CNTNAP5: variants seen among roughly 807,000 people sequenced by gnomAD.
CNTNAP5 encodes the protein contactin associated protein family member 5.
A neutral mutation model predicts 150.2 loss-of-function variants in CNTNAP5; 72 were observed. The ratio of observed to expected loss-of-function variants is 0.48; its 90% CI spans 0.40 to 0.58. CNTNAP5 has a LOEUF of 0.58. Ranked by LOEUF, CNTNAP5 falls within the 20% of genes least tolerant of loss-of-function variation. The pLI is 0.00. For missense variants in CNTNAP5, 1,636 were observed against 1,626.2 expected (o/e 1.01, Z -0.10); for synonymous variants, 672 against 619.8 (o/e 1.08, Z -1.25).
At chr2:124,559,313 A>G (rs1344454354) in intron 10 of CNTNAP5, among the ~76,000 whole-genome samples, 2 of 151,192 alleles carry the variant, frequency 1.3e-5, no homozygotes, top group African/African-American at 4.9e-5. Flanking sequence ...TCAATCCTTT[A>G]TCTCATTTCC....
At chr2:124,099,058 G>GT (rs1230787645) in intron 1 of CNTNAP5, among the ~76,000 whole-genome samples, 5 of 152,120 alleles carry the variant, frequency 3.3e-5, no homozygotes, top group African/African-American at 1.2e-4. Flanking sequence ...AAGGACCTTC[G>GT]TAACACAAGA....
chr2:124,170,630 G>T (rs1358670), intron 1 of CNTNAP5, among the ~76,000 whole-genome samples: 147,248 of 152,100 alleles, frequency 0.97, 71,455 homozygotes, highest in East Asian at 1. Context: ...GTGCATTTGG[G>T]TAAGTGTGAT....
chr2:124,605,122 G>A (rs1697071760), intron 11 of CNTNAP5, among the ~76,000 whole-genome samples: 1 of 152,146 alleles, frequency 6.6e-6, no homozygotes, highest in Non-Finnish European at 1.5e-5. Flanking sequence ...CAGTGTGAGA[G>A]GCCACGTGGG....
At chr2:124,330,922 C>A (rs1217654174) in intron 3 of CNTNAP5, among the ~76,000 whole-genome samples, 1 of 152,014 alleles carries the variant, frequency 6.6e-6, no homozygotes, top group Non-Finnish European at 1.5e-5. Context: ...AAAATTATAA[C>A]CTCTCATTAG....
chr2:124,443,559 TGAGCAGATG>T (rs1692727656), intron 5 of CNTNAP5, among the ~76,000 whole-genome samples: 1 of 152,052 alleles, frequency 6.6e-6, no homozygotes, highest in Non-Finnish European at 1.5e-5. Context: ...CTATGGAAGA[TGAGCAGATG>T]GAGGAAGTGA....
chr2:124,680,428 C>T (rs1679039662), intron 13 of CNTNAP5, among the ~76,000 whole-genome samples: 1 of 151,876 alleles, frequency 6.6e-6, no homozygotes, highest in Admixed American at 6.7e-5. Flanking sequence ...CTGTGGCTTG[C>T]CCAAATTCTG....
intron 1 of CNTNAP5, among the ~76,000 whole-genome samples, chr2:124,063,249 T>C (rs1019658378): frequency 6.6e-6 from 1 of 152,114 alleles, no homozygotes; most frequent in Admixed American, 6.6e-5. Context: ...CATTCAACAC[T>C]GAACTTGAAG....
chr2:124,848,460 A>G (rs1213796597), intron 19 of CNTNAP5, among the ~76,000 whole-genome samples: 2 of 152,154 alleles, frequency 1.3e-5, no homozygotes, highest in Non-Finnish European at 2.9e-5. Context: ...AATAATGTTG[A>G]AATATACATG....
chr2:124,089,222 A>G (rs1175050661), intron 1 of CNTNAP5, among the ~76,000 whole-genome samples: 1 of 152,128 alleles, frequency 6.6e-6, no homozygotes, highest in African/African-American at 2.4e-5. Context: ...ACTAGGCGAA[A>G]GAGGGAAAAG....
intron 11 of CNTNAP5, among the ~76,000 whole-genome samples, chr2:124,586,005 T>C (rs1056623474): frequency 6.6e-6 from 1 of 152,098 alleles, no homozygotes; most frequent in African/African-American, 2.4e-5. Context: ...TGGATCTGCT[T>C]CTCAATATAT....
At chr2:124,872,485 C>G (rs535704972) in intron 21 of CNTNAP5, among the ~76,000 whole-genome samples, 1 of 149,646 alleles carries the variant, frequency 6.7e-6, no homozygotes, top group South Asian at 2.1e-4. Context: ...AAAATTAAGA[C>G]ACTCTCCTCA....
chr2:124,730,379 G>GTATT (rs1473675896), intron 13 of CNTNAP5, among the ~76,000 whole-genome samples: 2 of 151,636 alleles, frequency 1.3e-5, no homozygotes, highest in Non-Finnish European at 2.9e-5. Flanking sequence ...AAACAGATAT[G>GTATT]TATTTATTCA....
intron 13 of CNTNAP5, among the ~76,000 whole-genome samples, chr2:124,697,244 T>C (rs1054284925): frequency 6.6e-6 from 1 of 152,172 alleles, no homozygotes; most frequent in African/African-American, 2.4e-5. Flanking sequence ...TGGGCCCATA[T>C]TGATAAATGG....
At chr2:124,753,412 G>T (rs1365641160) in intron 14 of CNTNAP5, among the ~76,000 whole-genome samples, 2 of 152,170 alleles carry the variant, frequency 1.3e-5, no homozygotes, top group East Asian at 3.9e-4. Flanking sequence ...TGTATTTTTA[G>T]ATAGGTCAGG....
chr2:124,443,524 C>T (rs895814098), intron 5 of CNTNAP5, among the ~76,000 whole-genome samples: 13 of 151,832 alleles, frequency 8.6e-5, no homozygotes, highest in African/African-American at 3.1e-4. Context: ...ACAAGCAAGA[C>T]ATTAATAGCG....
intron 14 of CNTNAP5, among the ~76,000 whole-genome samples, chr2:124,757,399 G>C (rs1257900639): frequency 6.6e-6 from 1 of 152,204 alleles, no homozygotes. Flanking sequence ...CTCAGGGCCT[G>C]GCTCTGTGAT....
In CNTNAP5 at chr2:124,313,487, C is replaced by T. The variant is rs532196537; in HGVS notation, c.381+71094C>T. Reference sequence around the variant, plus strand: ...CCAACAGAAAATCAAGCTGCAGGCACTATTTTTGTTCACAGAATTGCCTAG... The same window carrying T: ...CCAACAGAAAATCAAGCTGCAGGCATTATTTTTGTTCACAGAATTGCCTAG... On this transcript the variant is annotated intron_variant, in intron 3 of 23. Transcript: ENST00000682447. 3.3e-4 allele frequency among the ~76,000 whole-genome samples: 50 copies of T among 152,292 alleles called. 2 individuals carry two copies. The East Asian group carries it at 7.3e-3, about 22-fold the overall frequency.
chr2:124,694,102 C>T (rs1044566457), intron 13 of CNTNAP5, among the ~76,000 whole-genome samples: 1 of 152,140 alleles, frequency 6.6e-6, no homozygotes, highest in Non-Finnish European at 1.5e-5. Context: ...GCTCCATGAC[C>T]TCCCACTTCT....
intron 1 of CNTNAP5, among the ~76,000 whole-genome samples, chr2:124,166,268 G>C (rs542602050): frequency 6.6e-6 from 1 of 152,080 alleles, no homozygotes; most frequent in Admixed American, 6.6e-5. Flanking sequence ...TGTTTAAAAC[G>C]AATGGCTGTA....
Sources: allele counts gnomAD v4.1 joint callset (sites outside exome capture counted in the v4.1 genomes callset), GRCh38; gene constraint gnomAD v4.1.1; transcripts MANE v1.5; gene names NCBI Gene and HGNC (gene_info 2026-07-23, HGNC 2026-07-21).